The following EHD2 variants were observed in gnomAD, a reference collection of about 807,000 sequenced individuals.
EHD2 encodes EH domain containing 2, also known as EH domain-containing protein 2.
In EHD2, 27 loss-of-function variants were observed where a neutral mutation model predicts 41.0. The observed-to-expected ratio is 0.66, with a 90% CI of 0.49 to 0.91. EHD2 has a LOEUF of 0.91. EHD2 is among the 40% of genes least tolerant of loss of function. The pLI is 0.00. For synonymous variants in EHD2, 342 were observed against 341.0 expected (o/e 1.00, Z -0.03); for missense variants, 673 against 773.9 (o/e 0.87, Z 1.55).
Position 47,716,671 on chromosome 19 carries a change from C to G in EHD2, c.59C>G (p.Thr20Arg), listed in dbSNP as rs760084581. Residue 20 changes from threonine to arginine, a missense_variant, in exon 2 of 6, where the codon ACG (threonine) becomes AGG (arginine). Thr to Arg is a moderately conservative substitution (Grantham distance 71). Transcript: ENST00000263277. ...ARGQQPEAIRTVTSALKELYR... is the reference protein window; with the variant it reads ...ARGQQPEAIRRVTSALKELYR... ...GGCCAGCAGCCCGAGGCCATCCGCA[C>G]GGTGACCTCGGCCCTCAAGGAGCTG... The G allele has an allele frequency of 6.2e-7, 1 of 1,600,278 alleles. No homozygotes were observed. The highest frequency in any genetic ancestry group is 2.2e-5 in the East Asian group (1 of 44,630).
chr19:47,714,886 A>G (rs936935544), intron 1 of EHD2, among the ~76,000 whole-genome samples: 1 of 151,814 alleles, frequency 6.6e-6, no homozygotes, highest in Non-Finnish European at 1.5e-5. Flanking sequence ...ATACAAAAAA[A>G]AATTAACTGG....
intron 4 of EHD2, among the ~76,000 whole-genome samples, chr19:47,732,441 C>A (rs1405328878): frequency 6.6e-6 from 1 of 151,258 alleles, no homozygotes; most frequent in Non-Finnish European, 1.5e-5. Flanking sequence ...TTTTTAGAGA[C>A]AAAGGCTCGC....
intron 4 of EHD2, among the ~76,000 whole-genome samples, chr19:47,727,616 G>A (rs78329856): frequency 1.3e-5 from 2 of 151,358 alleles, no homozygotes; most frequent in African/African-American, 4.9e-5. Context: ...GGTGGCTCAC[G>A]CCTGTAATCC....
Position 47,716,632 on chromosome 19 carries a change from G to T in EHD2, c.20G>T (p.Arg7Leu), listed in dbSNP as rs146201317. 13 of 1,546,770 alleles carry T rather than the reference G, an allele frequency of 8.4e-6. No homozygotes were observed. In the African/African-American group the frequency reaches 1.1e-4, roughly 13 times the overall value. The change falls in exon 2 of 6, where the codon CGG becomes CTG. Residue 7 changes from arginine to leucine, a missense_variant. Physicochemically the swap from Arg to Leu is moderately radical, Grantham distance 102. Transcript: ENST00000263277. MFSWLK[R>L]GGARGQQPEA... ...GCCACCATGTTCAGCTGGCTGAAGC[G>T]GGGCGGGGCACGGGGCCAGCAGCCC...
chr19:47,724,003 T>A (rs1264823101), intron 3 of EHD2, among the ~76,000 whole-genome samples: 1 of 151,378 alleles, frequency 6.6e-6, no homozygotes, highest in Non-Finnish European at 1.5e-5. Flanking sequence ...CATTTTTAAA[T>A]GTACAGTTCA....
intron 4 of EHD2, among the ~76,000 whole-genome samples, chr19:47,733,868 C>A (rs905360329): frequency 6.6e-6 from 1 of 151,768 alleles, no homozygotes; most frequent in African/African-American, 2.4e-5. Context: ...ACCACAGGAA[C>A]CCCCGAAAGG....
intron 3 of EHD2, among the ~76,000 whole-genome samples, chr19:47,721,783 G>A (rs1973699181): frequency 2.0e-5 from 3 of 151,884 alleles, no homozygotes; most frequent in South Asian, 4.2e-4. Context: ...TCAGGAGTTC[G>A]AGACCAGCCT....
At chr19:47,740,846 G>A (rs772807405) in intron 5 of EHD2, 35 bp from the exon 6 acceptor site, 9 of 1,602,374 alleles carry the variant, frequency 5.6e-6, no homozygotes, top group Middle Eastern at 1.7e-4. Flanking sequence ...GGATGGCGCC[G>A]CTTGAATTCT....
At chr19:47,717,845 T>G (rs1599885956) in intron 2 of EHD2, among the ~76,000 whole-genome samples, 2 of 142,800 alleles carry the variant, frequency 1.4e-5, no homozygotes, top group African/African-American at 5.3e-5. Context: ...GAGGCGGAGG[T>G]TGCAGTAAGC....
chr19:47,727,387 G>A (rs997754590), intron 4 of EHD2, among the ~76,000 whole-genome samples: 7 of 152,094 alleles, frequency 4.6e-5, no homozygotes, highest in South Asian at 2.1e-4. Context: ...GTGAGCCACC[G>A]CGCCAGGCCC....
intron 1 of EHD2, among the ~76,000 whole-genome samples, chr19:47,714,077 C>T (rs1973601002): frequency 6.6e-6 from 1 of 152,170 alleles, no homozygotes; most frequent in African/African-American, 2.4e-5. Context: ...GCTTTTATCT[C>T]CCCTACTCCC....
chr19:47,721,932 C>G (rs1973700490), intron 3 of EHD2, among the ~76,000 whole-genome samples: 1 of 151,310 alleles, frequency 6.6e-6, no homozygotes, highest in South Asian at 2.1e-4. Context: ...TTGCAGTGAG[C>G]CGAGCTCATG....
chr19:47,741,819 G>A lies in EHD2; in HGVS notation c.*387G>A. 1 of 478,652 alleles carries A rather than the reference G, an allele frequency of 2.1e-6. No individual in the cohort carries two copies. Among genetic ancestry groups the A allele is most frequent in the Non-Finnish European group, 4.1e-6 (1 of 242,110 alleles). 29.7% of individuals were successfully genotyped at this position (478,652 alleles called of 1,614,324 possible). A position where few individuals can be genotyped will look rare whatever the true frequency, so the allele number is the denominator to read the frequency against. On this transcript the variant is annotated 3_prime_UTR_variant, in exon 6 of 6. Transcript: ENST00000263277. This position sits in a 1 kb window ranked among gnomAD's most constrained non-coding sequence, Gnocchi z 4.5. ...AAATACATCTGCCCTCATGGAAGGTGACGTTCCCAGGAGAGGGCACCTACA... is the reference window on the plus strand; with the variant it reads ...AAATACATCTGCCCTCATGGAAGGTAACGTTCCCAGGAGAGGGCACCTACA...
intron 4 of EHD2, among the ~76,000 whole-genome samples, chr19:47,731,912 C>T (rs928530186): frequency 6.6e-5 from 10 of 151,502 alleles, no homozygotes; most frequent in Admixed American, 3.9e-4. Flanking sequence ...CTCAGCCTCC[C>T]GAGTAGCTGG....
At chr19:47,734,085 G>C (rs1966897471) in intron 4 of EHD2, among the ~76,000 whole-genome samples, 1 of 152,232 alleles carries the variant, frequency 6.6e-6, no homozygotes, top group Non-Finnish European at 1.5e-5. Flanking sequence ...GGGGAGCTGG[G>C]AGACCTGTCG....
At chr19:47,715,044 A>G (rs1298792114) in intron 1 of EHD2, among the ~76,000 whole-genome samples, 2 of 121,890 alleles carry the variant, frequency 1.6e-5, no homozygotes. Context: ...TCTCCAAATA[A>G]ATAAATAAAT....
At chr19:47,721,199 G>A (rs1337811002) in intron 3 of EHD2, among the ~76,000 whole-genome samples, 1 of 151,640 alleles carries the variant, frequency 6.6e-6, no homozygotes, top group Non-Finnish European at 1.5e-5. Context: ...GTGTGTGTAT[G>A]CGAGCTCATG....
chr19:47,740,832 T>A, intron 5 of EHD2, 49 bp from the exon 6 acceptor site: 5 of 1,589,576 alleles, frequency 3.1e-6, no homozygotes, highest in Non-Finnish European at 4.3e-6. Context: ...CCTGAGGGCC[T>A]CAGGGATGGC....
At chr19:47,731,269 A>AG (rs1973804791) in intron 4 of EHD2, 1 of 24,536 alleles carries the variant, frequency 4.1e-5, no homozygotes, top group African/African-American at 1.2e-4. Flanking sequence ...TGATTCTTTA[A>AG]AAAAAAAAAA....
Sources: allele counts gnomAD v4.1 joint callset (sites outside exome capture counted in the v4.1 genomes callset), GRCh38; gene constraint gnomAD v4.1.1; non-coding constraint Gnocchi (gnomAD v3.1); transcripts MANE v1.5; gene names NCBI Gene and HGNC (gene_info 2026-07-23, HGNC 2026-07-21).